Variants in WDR70 observed in about 807,000 individuals in gnomAD.
WDR70 encodes WD repeat domain 70, also known as WD repeat-containing protein 70.
A neutral mutation model predicts 88.6 loss-of-function variants in WDR70; 53 were observed. The observed-to-expected ratio is 0.60, with a 90% CI of 0.48 to 0.75. The LOEUF (loss-of-function observed/expected upper bound fraction) is 0.75, where lower values mean the gene tolerates loss of function less well. Ranked by LOEUF, WDR70 falls within the 30% of genes least tolerant of loss-of-function variation. The pLI is 0.00. For synonymous variants in WDR70, 280 were observed against 270.0 expected (o/e 1.04, Z -0.36); for missense variants, 610 against 823.2 (o/e 0.74, Z 3.17).
chr5:37,692,093 A>C (rs62299055), intron 10 of WDR70, among the ~76,000 whole-genome samples: 6 of 152,186 alleles, frequency 3.9e-5, no homozygotes, highest in Non-Finnish European at 7.4e-5. Context: ...CACAAATAAA[A>C]TAGAAAATCT....
intron 5 of WDR70, among the ~76,000 whole-genome samples, chr5:37,432,842 C>T (rs867903361): frequency 5.3e-5 from 8 of 152,022 alleles, no homozygotes; most frequent in East Asian, 1.9e-4. Context: ...GGATTATAGG[C>T]GTGAGCCACC....
chr5:37,525,902 G>C (rs545523294), intron 9 of WDR70, among the ~76,000 whole-genome samples: 6 of 152,152 alleles, frequency 3.9e-5, no homozygotes, highest in African/African-American at 9.6e-5. Context: ...ATAAATTCCT[G>C]GACACATACA....
chr5:37,528,907 G>GTTTTTTTTTTTTTTTTTTT lies in WDR70; in HGVS notation c.917+12317_917+12318insTTTTTTTTTTTTTTTTTTT, dbSNP rs140383817. Among the ~76,000 whole-genome samples the GTTTTTTTTTTTTTTTTTTT allele has an allele frequency of 2.3e-5, 3 of 130,704 alleles. 1 individual carries two copies. Among genetic ancestry groups the GTTTTTTTTTTTTTTTTTTT allele is most frequent in the Non-Finnish European group, 3.2e-5 (2 of 61,886 alleles). 85.7% of individuals were successfully genotyped at this position (130,704 alleles called of 152,430 possible). ...TTTGCCTAAGCCAATGTCTAGAGGG[G>GTTTTTTTTTTTTTTTTTTT]GTTTTTTTTTTTTTTTGATGTTATC... On this transcript the variant is annotated intron_variant, in intron 9 of 17. Transcript: ENST00000265107.
At chr5:37,677,201 A>T (rs1746255012) in intron 10 of WDR70, among the ~76,000 whole-genome samples, 1 of 152,018 alleles carries the variant, frequency 6.6e-6, no homozygotes, top group African/African-American at 2.4e-5. Context: ...GGATTCATTA[A>T]TTTTTTGAAG....
chr5:37,497,645 G>T (rs1188212765), intron 8 of WDR70, among the ~76,000 whole-genome samples: 1 of 151,828 alleles, frequency 6.6e-6, no homozygotes, highest in Non-Finnish European at 1.5e-5. Flanking sequence ...GTTTGCCCTC[G>T]ATAATAGGTA....
In WDR70 at chr5:37,518,291, C is replaced by T. The variant is rs542187444; in HGVS notation, c.917+1701C>T. 9.9e-5 allele frequency among the ~76,000 whole-genome samples: 15 copies of T among 152,036 alleles called. 1 individual carries two copies. The highest frequency in any genetic ancestry group is 3.6e-4 in the African/African-American group (15 of 41,474). On this transcript the variant is annotated intron_variant, in intron 9 of 17. Coordinates refer to ENST00000265107, the MANE Select transcript of WDR70 (RefSeq NM_018034.4). The stretch of plus-strand genomic sequence containing the variant: ...TCTGTTATGCTATCAAATATTAGGC[C>T]TTATTCATTCTTTCTATTTTTTTTT...
chr5:37,719,357 C>A (rs1309957322), intron 13 of WDR70, among the ~76,000 whole-genome samples: 5 of 145,938 alleles, frequency 3.4e-5, no homozygotes, highest in South Asian at 4.3e-4. Flanking sequence ...CAACCCCCCC[C>A]CCAAAAAATA....
At chr5:37,419,443 A>G (rs1038425765) in intron 5 of WDR70, among the ~76,000 whole-genome samples, 14 of 150,770 alleles carry the variant, frequency 9.3e-5, no homozygotes, top group African/African-American at 3.4e-4. Flanking sequence ...TGACCTGGTG[A>G]TCCACCTGCC....
intron 10 of WDR70, among the ~76,000 whole-genome samples, chr5:37,666,577 T>C (rs1379168800): frequency 6.6e-6 from 1 of 152,224 alleles, no homozygotes; most frequent in African/African-American, 2.4e-5. Flanking sequence ...ACCTAACTCT[T>C]GCTTTACTTC....
At chr5:37,523,264 TA>T (rs1304462287) in intron 9 of WDR70, among the ~76,000 whole-genome samples, 2 of 152,200 alleles carry the variant, frequency 1.3e-5, no homozygotes, top group African/African-American at 4.8e-5. Context: ...CACAGCTGGG[TA>T]CCGCTCTGAG....
intron 5 of WDR70, 50 bp downstream of exon 5, chr5:37,396,620 T>C: frequency 6.6e-7 from 1 of 1,519,668 alleles, no homozygotes; most frequent in Non-Finnish European, 8.8e-7. Flanking sequence ...ATATCTTTAC[T>C]GTAGAGATCA....
intron 13 of WDR70, among the ~76,000 whole-genome samples, chr5:37,718,579 A>G (rs1328841055): frequency 6.6e-6 from 1 of 152,160 alleles, no homozygotes; most frequent in Non-Finnish European, 1.5e-5. Flanking sequence ...TCTGTGATTC[A>G]TGTACATTCT....
chr5:37,722,665 A>C (rs1312973378), intron 14 of WDR70, 190 bp from the exon 15 acceptor site: 1 of 586,778 alleles, frequency 1.7e-6, no homozygotes, highest in Non-Finnish European at 3.0e-6. Context: ...TGACTGACAG[A>C]CTTGCTTTTC....
chr5:37,626,701 C>G (rs1744674066), intron 10 of WDR70, among the ~76,000 whole-genome samples: 2 of 152,086 alleles, frequency 1.3e-5, no homozygotes, highest in Admixed American at 1.3e-4. Context: ...GGTATTAATT[C>G]TTCTTTAAAG....
chr5:37,623,471 A>G (rs1406273352), intron 10 of WDR70, among the ~76,000 whole-genome samples: 1 of 152,208 alleles, frequency 6.6e-6, no homozygotes. Flanking sequence ...TTTGTTGTGA[A>G]AATCAATTTA....
At chr5:37,613,306 G>A (rs1369933972) in intron 10 of WDR70, among the ~76,000 whole-genome samples, 1 of 152,080 alleles carries the variant, frequency 6.6e-6, no homozygotes, top group Non-Finnish European at 1.5e-5. Flanking sequence ...TAAAGTGACA[G>A]GAAAGGCTCT....
At chr5:37,697,893 T>C in intron 11 of WDR70, 139 bp downstream of exon 11, 4 of 556,682 alleles carry the variant, frequency 7.2e-6, no homozygotes, top group South Asian at 6.7e-5. Flanking sequence ...GATTTCTTCA[T>C]TAAAATACAT....
chr5:37,629,571 A>G (rs1330882527), intron 10 of WDR70, among the ~76,000 whole-genome samples: 3 of 152,136 alleles, frequency 2.0e-5, no homozygotes, highest in East Asian at 1.9e-4. Context: ...GAAGCTCTCA[A>G]TTATATTTTC....
At chr5:37,383,458 C>G (rs562838730) in intron 3 of WDR70, among the ~76,000 whole-genome samples, 1 of 151,960 alleles carries the variant, frequency 6.6e-6, no homozygotes, top group Non-Finnish European at 1.5e-5. Context: ...GACGGGGTTT[C>G]GCCATGTTGG....
Sources: gnomAD v4.1 joint callset for allele counts (sites outside exome capture counted in the v4.1 genomes callset) on GRCh38, gnomAD v4.1.1 for gene constraint, MANE v1.5 for transcripts, NCBI Gene and HGNC (gene_info 2026-07-23, HGNC 2026-07-21) for gene names.